Variants in SAG observed in about 807,000 individuals in gnomAD.
SAG encodes the protein S-arrestin.
SAG carries 45 observed loss-of-function variants against 55.0 expected under a neutral mutation model. The ratio of observed to expected loss-of-function variants is 0.82; its 90% CI spans 0.64 to 1.05. The LOEUF (loss-of-function observed/expected upper bound fraction) is 1.05, where lower values mean the gene tolerates loss of function less well. SAG is among the 50% of genes least tolerant of loss of function. The probability of loss-of-function intolerance (pLI) is 0.00; values close to 1 mark genes in which losing one functional copy is unlikely to be tolerated. For synonymous variants in SAG, 189 were observed against 197.4 expected, an observed-to-expected ratio of 0.96 and a Z score of 0.36; for missense variants, 455 against 512.1, an observed-to-expected ratio of 0.89 and a Z score of 1.08.
At chr2:233,318,898 C>T (rs1352623921) in intron 4 of SAG, 103 bp downstream of exon 4, 3 of 977,632 alleles carry the variant, frequency 3.1e-6, no homozygotes, top group Non-Finnish European at 3.3e-6. Flanking sequence ...GACAGGAAGG[C>T]AGAGGCAGCG....
intron 11 of SAG, among the ~76,000 whole-genome samples, chr2:233,337,557 T>C (rs1297433504): frequency 6.6e-6 from 1 of 152,192 alleles, no homozygotes; most frequent in Non-Finnish European, 1.5e-5. Flanking sequence ...CTCTTTTAAA[T>C]GAGCTCCAGA....
At chr2:233,317,432 G>A (rs910808263) in intron 3 of SAG, among the ~76,000 whole-genome samples, 1 of 152,194 alleles carries the variant, frequency 6.6e-6, no homozygotes, top group African/African-American at 2.4e-5. Context: ...GGACGTCTCT[G>A]TACTATCTTT....
intron 2 of SAG, among the ~76,000 whole-genome samples, chr2:233,313,041 T>C (rs3792105): frequency 0.2 from 29,654 of 152,062 alleles, 4,457 homozygotes; most frequent in African/African-American, 0.42. Flanking sequence ...ATGAAAGCAG[T>C]ATTTGCCTAA....
intron 10 of SAG, chr2:233,332,519 T>A (rs1384614428): frequency 6.6e-6 from 1 of 152,326 alleles, no homozygotes; most frequent in Admixed American, 6.5e-5. Flanking sequence ...AGATGGAGTC[T>A]CACTCTGTTG....
chr2:233,311,547 T>C (rs1700075348), intron 2 of SAG, among the ~76,000 whole-genome samples: 2 of 152,290 alleles, frequency 1.3e-5, no homozygotes, highest in Middle Eastern at 3.4e-3. Flanking sequence ...TGGAAGATGG[T>C]GGTCCCTGAA....
At chr2:233,328,728 G>T in intron 8 of SAG, 115 bp downstream of exon 8, 1 of 1,199,378 alleles carries the variant, frequency 8.3e-7, no homozygotes, top group East Asian at 2.5e-5. Context: ...AAGGAAGCTT[G>T]TTTCTAGGAT....
At chr2:233,329,448 G>C in intron 8 of SAG, 45 bp from the exon 9 acceptor site, 2 of 1,181,574 alleles carry the variant, frequency 1.7e-6, no homozygotes, top group East Asian at 2.3e-5. Flanking sequence ...TAAAGACACC[G>C]CCACATCTGT....
chr2:233,309,336 T>C (rs1700015054), intron 2 of SAG, 72 bp downstream of exon 2: 6 of 1,350,964 alleles, frequency 4.4e-6, no homozygotes, highest in Non-Finnish European at 6.2e-6. Context: ...TCAAGTACAG[T>C]GTAGTCATGA....
intron 13 of SAG, among the ~76,000 whole-genome samples, chr2:233,341,590 A>G (rs774114242): frequency 6.6e-6 from 1 of 152,230 alleles, no homozygotes; most frequent in Admixed American, 6.5e-5. Flanking sequence ...AGAAACCAAT[A>G]ACAAAAGGCC....
intron 6 of SAG, among the ~76,000 whole-genome samples, chr2:233,323,542 T>C (rs936210326): frequency 2.0e-5 from 3 of 150,518 alleles, no homozygotes; most frequent in African/African-American, 7.4e-5. Context: ...TTTGTAATTT[T>C]AATAGAGATG....
At chr2:233,342,800 C>T (rs929101715) in intron 14 of SAG, 2 of 172,278 alleles carry the variant, frequency 1.2e-5, no homozygotes, top group African/African-American at 2.4e-5. Flanking sequence ...CACTCTGTCA[C>T]CCAGTCTGGA....
chr2:233,331,746 G>A (rs760556867), intron 10 of SAG, 34 bp downstream of exon 10: 11 of 1,490,674 alleles, frequency 7.4e-6, no homozygotes, highest in East Asian at 4.5e-5. Context: ...TTTCCTGGGC[G>A]TCTCAGCCTT....
At chr2:233,312,350 A>G (rs1700097495) in intron 2 of SAG, among the ~76,000 whole-genome samples, 1 of 152,078 alleles carries the variant, frequency 6.6e-6, no homozygotes, top group South Asian at 2.1e-4. Flanking sequence ...TTGCCGATCC[A>G]TTCTCCAGTT....
intron 10 of SAG, chr2:233,332,101 C>T (rs1391445124): frequency 4.1e-6 from 1 of 241,922 alleles, no homozygotes. Context: ...GATTCCCTAT[C>T]TTTTGATCTC....
chr2:233,342,240 G>C, intron 13 of SAG, 31 bp from the exon 14 acceptor site: 2 of 1,559,950 alleles, frequency 1.3e-6, no homozygotes, highest in Non-Finnish European at 1.7e-6. Context: ...GTGTATGGGT[G>C]TTCACACCAA....
chr2:233,343,706 A>T, intron 14 of SAG: 1 of 1,223,058 alleles, frequency 8.2e-7, no homozygotes, highest in Non-Finnish European at 1.0e-6. Flanking sequence ...GAGGCAGCTT[A>T]GTTGACGGGA....
Position 233,329,492 on chromosome 2 carries a change from G to T in SAG, c.649-1G>T. On this transcript the variant is annotated splice_acceptor_variant, in intron 8 of 15. Coordinates refer to ENST00000409110, the MANE Select transcript of SAG (RefSeq NM_000541.5). LOFTEE classifies it high-confidence loss of function. ...TCTGACCTATCTGCTGACTTTTCTA[G>T]ATCTATTTCCATGGGGAGCCCATCC... 6.2e-7 allele frequency: 1 copy of T among 1,605,916 alleles called. No homozygotes were observed. The highest frequency in any genetic ancestry group is 8.5e-7 in the Non-Finnish European group (1 of 1,172,644).
intron 2 of SAG, among the ~76,000 whole-genome samples, chr2:233,310,448 G>T (rs552884950): frequency 6.6e-6 from 1 of 151,626 alleles, no homozygotes; most frequent in South Asian, 2.1e-4. Context: ...TCAGGTGTCC[G>T]GGAGCCACCT....
intron 9 of SAG, among the ~76,000 whole-genome samples, chr2:233,331,312 G>A (rs1048284495): frequency 6.6e-6 from 1 of 152,206 alleles, no homozygotes; most frequent in Non-Finnish European, 1.5e-5. Context: ...TAGTCTCTTG[G>A]AGGACAGGAA....
Sources: gnomAD v4.1 joint callset for allele counts (sites outside exome capture counted in the v4.1 genomes callset) on GRCh38, gnomAD v4.1.1 for gene constraint, MANE v1.5 for transcripts, NCBI Gene and HGNC (gene_info 2026-07-23, HGNC 2026-07-21) for gene names.